RAPGEF5: variants seen among roughly 807,000 people sequenced by gnomAD.
RAPGEF5 encodes M-Ras-regulated GEF.
In RAPGEF5, 65 loss-of-function variants were observed where a neutral mutation model predicts 125.2. The ratio of observed to expected loss-of-function variants is 0.52; its 90% CI spans 0.43 to 0.64. The LOEUF (loss-of-function observed/expected upper bound fraction) is 0.64. Ranked by LOEUF, RAPGEF5 falls within the 30% of genes least tolerant of loss-of-function variation. RAPGEF5 has a pLI of 0.00. For synonymous variants in RAPGEF5, 391 were observed against 385.9 expected, an observed-to-expected ratio of 1.01 and a Z score of -0.16; for missense variants, 958 against 1,048.1, an observed-to-expected ratio of 0.91 and a Z score of 1.19.
intron 7 of RAPGEF5, among the ~76,000 whole-genome samples, chr7:22,262,435 C>T (rs952583495): frequency 5.9e-5 from 9 of 152,058 alleles, no homozygotes; most frequent in South Asian, 2.1e-4. Flanking sequence ...CTGGCAAGGA[C>T]GCAGGGAATC....
At chr7:22,180,612 A>G (rs1784645022) in intron 11 of RAPGEF5, among the ~76,000 whole-genome samples, 1 of 152,164 alleles carries the variant, frequency 6.6e-6, no homozygotes, top group Non-Finnish European at 1.5e-5. Flanking sequence ...CCATGTTTAA[A>G]TCATCATTAG....
At chr7:22,200,078 G>T (rs1051511194) in intron 9 of RAPGEF5, among the ~76,000 whole-genome samples, 6 of 152,168 alleles carry the variant, frequency 3.9e-5, no homozygotes, top group African/African-American at 1.4e-4. Context: ...TGATTTAGCA[G>T]TTAGGTATCT....
At chr7:22,299,652 A>G (rs1783150215) in intron 5 of RAPGEF5, among the ~76,000 whole-genome samples, 1 of 151,902 alleles carries the variant, frequency 6.6e-6, no homozygotes, top group Non-Finnish European at 1.5e-5. Context: ...TTTCCTTTAG[A>G]TTTCTTTTAG....
In RAPGEF5 at chr7:22,230,927, A is replaced by T. The variant is rs1252279883; in HGVS notation, c.797-8T>A. Reference sequence around the variant, plus strand: ...CTTCATCTTGTTCAATTGCTTAAAAAAAAGAACACCATTAAACAAATGTAT... The same window carrying T: ...CTTCATCTTGTTCAATTGCTTAAAATAAAGAACACCATTAAACAAATGTAT... On this transcript the variant is annotated splice_region_variant and splice_polypyrimidine_tract_variant and intron_variant, in intron 7 of 25. Coordinates refer to ENST00000665637, the MANE Select transcript of RAPGEF5 (RefSeq NM_012294.5). 1 of 1,554,818 alleles carries T rather than the reference A, an allele frequency of 6.4e-7. No individual in the cohort carries two copies. Among genetic ancestry groups the T allele is most frequent in the Non-Finnish European group, 8.7e-7 (1 of 1,147,540 alleles).
At position 22,120,346 on chromosome 7, in the gene RAPGEF5, A is replaced by G. The variant is rs1305244641; in HGVS notation, c.*2060T>C. 1.3e-5 allele frequency: 2 copies of G among 152,326 alleles called. No homozygotes were observed. The highest frequency in any genetic ancestry group is 2.9e-5 in the Non-Finnish European group (2 of 68,048). The allele number at this position is 152,326 out of a possible 1,614,324, so 9.4% of individuals were successfully genotyped here. ...ACTTGGGGTCTGAGCAGCATGCAAT[A>G]TGCTGAAATAGTTCTCCATGGAAAA... On this transcript the variant is annotated 3_prime_UTR_variant, in exon 26 of 26. Coordinates refer to ENST00000665637, the MANE Select transcript of RAPGEF5 (RefSeq NM_012294.5). The surrounding 1 kb of genome is among the most constrained non-coding windows in gnomAD (Gnocchi z 4.0).
At chr7:22,125,757 G>A (rs535362138) in intron 24 of RAPGEF5, 99 bp from the exon 25 acceptor site, 14 of 1,111,972 alleles carry the variant, frequency 1.3e-5, no homozygotes, top group Non-Finnish European at 1.6e-5. Flanking sequence ...TAGCACTCTT[G>A]GCTGTAATAA....
At chr7:22,241,402 G>A (rs1196588762) in intron 7 of RAPGEF5, among the ~76,000 whole-genome samples, 1 of 151,990 alleles carries the variant, frequency 6.6e-6, no homozygotes, top group Non-Finnish European at 1.5e-5. Flanking sequence ...ATAAATAGAG[G>A]GGGCAGGGGC....
intron 1 of RAPGEF5, among the ~76,000 whole-genome samples, chr7:22,346,876 C>G (rs1784233869): frequency 6.6e-6 from 1 of 152,040 alleles, no homozygotes; most frequent in South Asian, 2.1e-4. Flanking sequence ...AGTCAATGTC[C>G]CATGAACAAA....
intron 9 of RAPGEF5, among the ~76,000 whole-genome samples, chr7:22,213,059 A>G (rs772947257): frequency 5.3e-5 from 8 of 152,230 alleles, no homozygotes; most frequent in African/African-American, 1.7e-4. Context: ...AGCCAGTATC[A>G]ATGTTCTTGA....
At chr7:22,274,458 T>A (rs897055095) in intron 6 of RAPGEF5, among the ~76,000 whole-genome samples, 14 of 151,710 alleles carry the variant, frequency 9.2e-5, no homozygotes, top group Admixed American at 7.2e-4. Flanking sequence ...GCCTCCCGAG[T>A]ACCTGAGAGG....
chr7:22,313,203 T>C (rs763295217), intron 3 of RAPGEF5, among the ~76,000 whole-genome samples: 3 of 152,232 alleles, frequency 2.0e-5, no homozygotes, highest in Non-Finnish European at 2.9e-5. Context: ...TGTCTCTAGT[T>C]AGATTTTTAG....
chr7:22,304,649 C>T (rs540848651), intron 5 of RAPGEF5, among the ~76,000 whole-genome samples: 13 of 152,242 alleles, frequency 8.5e-5, no homozygotes, highest in South Asian at 4.2e-4. Flanking sequence ...TCTGGGCATG[C>T]ACATGGGATT....
At chr7:22,250,953 TCAA>T (rs1786603597) in intron 7 of RAPGEF5, among the ~76,000 whole-genome samples, 1 of 151,916 alleles carries the variant, frequency 6.6e-6, no homozygotes, top group Admixed American at 6.6e-5. Context: ...AGTGTAGGAG[TCAA>T]ATTTCCTGGC....
At chr7:22,144,786 G>C (rs887591901) in intron 20 of RAPGEF5, among the ~76,000 whole-genome samples, 1 of 152,182 alleles carries the variant, frequency 6.6e-6, no homozygotes, top group Non-Finnish European at 1.5e-5. Context: ...TGAAGGATGT[G>C]TGTACTGCCT....
At chr7:22,155,437 TAGAC>T (rs1562723890) in intron 16 of RAPGEF5, among the ~76,000 whole-genome samples, 2 of 152,336 alleles carry the variant, frequency 1.3e-5, no homozygotes, top group Admixed American at 6.5e-5. Context: ...TTCTTTCAAA[TAGAC>T]AGAAGGACAA....
At chr7:22,136,152 G>T (rs1486286553) in intron 22 of RAPGEF5, 27 bp from the exon 23 acceptor site, 1 of 1,526,498 alleles carries the variant, frequency 6.6e-7, no homozygotes, top group Non-Finnish European at 9.0e-7. Flanking sequence ...ATTACAAAGA[G>T]AAAGAAAAAT....
chr7:22,312,008 A>G (rs1002113632), intron 3 of RAPGEF5, among the ~76,000 whole-genome samples: 4 of 152,226 alleles, frequency 2.6e-5, no homozygotes, highest in African/African-American at 9.7e-5. Context: ...GAAAGAACAC[A>G]ATAAAGCATT....
At chr7:22,315,606 C>G (rs1783573149) in intron 2 of RAPGEF5, 130 bp from the exon 3 acceptor site, 1 of 608,246 alleles carries the variant, frequency 1.6e-6, no homozygotes, top group African/African-American at 2.0e-5. Context: ...AAATCATAAC[C>G]AAGTCCATAA....
At chr7:22,285,107 A>T (rs1782765974) in intron 6 of RAPGEF5, among the ~76,000 whole-genome samples, 1 of 152,202 alleles carries the variant, frequency 6.6e-6, no homozygotes. Context: ...GTGGAGTACC[A>T]GTCGTTTATC....
Sources: allele counts gnomAD v4.1 joint callset (sites outside exome capture counted in the v4.1 genomes callset), GRCh38; gene constraint gnomAD v4.1.1; non-coding constraint Gnocchi (gnomAD v3.1); transcripts MANE v1.5; gene names NCBI Gene and HGNC (gene_info 2026-07-23, HGNC 2026-07-21).